The following COMMD10 variants were observed in gnomAD, a reference collection of about 807,000 sequenced individuals.
The protein encoded by COMMD10 is COMM domain-containing protein 10.
Under a neutral mutation model 28.9 loss-of-function variants are expected in COMMD10, and 33 were observed. The observed-to-expected ratio is 1.14, with a 90% CI of 0.87 to 1.53. The LOEUF (loss-of-function observed/expected upper bound fraction) is 1.53, where lower values mean the gene tolerates loss of function less well. Ranked by LOEUF, COMMD10 falls within the 40% of genes most tolerant of loss-of-function variation. COMMD10 has a pLI of 0.00. For synonymous variants in COMMD10, 110 were observed against 81.7 expected (o/e 1.35, Z -1.87); for missense variants, 310 against 233.4 (o/e 1.33, Z -2.14).
intron 4 of COMMD10, among the ~76,000 whole-genome samples, chr5:116,126,038 C>T (rs955071970): frequency 1.3e-5 from 2 of 152,206 alleles, no homozygotes; most frequent in African/African-American, 4.8e-5. Context: ...CCCATTGTCT[C>T]AGCCCAAAAT....
chr5:116,131,359 T>C (rs1432197758), intron 4 of COMMD10, among the ~76,000 whole-genome samples: 5 of 151,740 alleles, frequency 3.3e-5, no homozygotes, highest in African/African-American at 1.2e-4. Context: ...GCAGATAATA[T>C]TGTATGTGTG....
chr5:116,234,747 T>A (rs1259846891), intron 5 of COMMD10, among the ~76,000 whole-genome samples: 1 of 152,158 alleles, frequency 6.6e-6, no homozygotes, highest in African/African-American at 2.4e-5. Flanking sequence ...AACATCCAAT[T>A]GGATAATTTC....
intron 5 of COMMD10, among the ~76,000 whole-genome samples, chr5:116,286,891 C>A (rs964636360): frequency 6.6e-6 from 1 of 151,696 alleles, no homozygotes; most frequent in East Asian, 1.9e-4. Context: ...TAAGGTTATT[C>A]AAATCTTGTT....
At position 116,239,343 on chromosome 5, in the gene COMMD10, C is replaced by A. The variant is rs544505675; in HGVS notation, c.511-52174C>A. 6.6e-5 allele frequency among the ~76,000 whole-genome samples: 10 copies of A among 152,270 alleles called. No individual in the cohort carries two copies. The East Asian group carries it at 1.9e-3, about 29-fold the overall frequency. ...AGAAGCCTCATCATAGACTTACTCA[C>A]ACATTTGTGAGAGTTATTAGAATTG... On this transcript the variant is annotated intron_variant, in intron 5 of 6. Transcript: ENST00000274458.
At chr5:116,285,901 C>T (rs1033135617) in intron 5 of COMMD10, among the ~76,000 whole-genome samples, 1 of 151,780 alleles carries the variant, frequency 6.6e-6, no homozygotes, top group African/African-American at 2.4e-5. Context: ...GAAGTATCTC[C>T]TCTTGTTCAA....
chr5:116,128,658 G>C (rs900395264), intron 4 of COMMD10, among the ~76,000 whole-genome samples: 1 of 151,916 alleles, frequency 6.6e-6, no homozygotes, highest in Non-Finnish European at 1.5e-5. Flanking sequence ...TCTTTGTATA[G>C]TAACTGTATC....
At chr5:116,157,589 C>G (rs1752759727) in intron 5 of COMMD10, among the ~76,000 whole-genome samples, 1 of 152,144 alleles carries the variant, frequency 6.6e-6, no homozygotes, top group African/African-American at 2.4e-5. Flanking sequence ...TTATTTTCAT[C>G]ATATTCTGTT....
chr5:116,145,670 C>A lies in COMMD10; in HGVS notation c.510+11492C>A, dbSNP rs1433829870. ...TTGCAATCCTCACAATCCCCACAAT[C>A]CCCACGTGTCAAGGGAGAGACCAGG... On this transcript the variant is annotated intron_variant, in intron 5 of 6. Coordinates refer to ENST00000274458, the MANE Select transcript of COMMD10 (RefSeq NM_016144.4). Among the ~76,000 whole-genome samples, 8 of 151,972 alleles carry A rather than the reference C, an allele frequency of 5.3e-5. No individual in the cohort carries two copies. The East Asian group carries it at 1.6e-3, about 29-fold the overall frequency.
chr5:116,163,047 C>A (rs1473259320), intron 5 of COMMD10, among the ~76,000 whole-genome samples: 2 of 151,958 alleles, frequency 1.3e-5, no homozygotes, highest in Non-Finnish European at 2.9e-5. Flanking sequence ...CTTACCACTT[C>A]TTTAGAGGTT....
chr5:116,158,590 C>T (rs1284021880), intron 5 of COMMD10, among the ~76,000 whole-genome samples: 1 of 149,010 alleles, frequency 6.7e-6, no homozygotes, highest in Admixed American at 6.7e-5. Context: ...GATCCTCTGG[C>T]TTAAGCCTCT....
chr5:116,121,794 T>C (rs1196661526), intron 4 of COMMD10, among the ~76,000 whole-genome samples: 1 of 152,168 alleles, frequency 6.6e-6, no homozygotes, highest in Non-Finnish European at 1.5e-5. Flanking sequence ...GAGAAGTGTC[T>C]GTTCATATCC....
intron 4 of COMMD10, among the ~76,000 whole-genome samples, chr5:116,110,985 G>A (rs1019232830): frequency 6.6e-6 from 1 of 151,966 alleles, no homozygotes; most frequent in African/African-American, 2.4e-5. Flanking sequence ...GATTTGGATG[G>A]GAACATACAT....
chr5:116,168,305 C>T (rs1440592935), intron 5 of COMMD10, among the ~76,000 whole-genome samples: 2 of 152,054 alleles, frequency 1.3e-5, no homozygotes, highest in Non-Finnish European at 2.9e-5. Flanking sequence ...AATATATATG[C>T]ACGCAATACA....
intron 4 of COMMD10, among the ~76,000 whole-genome samples, chr5:116,119,706 G>T (rs892639819): frequency 2.6e-5 from 4 of 151,996 alleles, no homozygotes; most frequent in African/African-American, 9.7e-5. Flanking sequence ...TAAACTCCTA[G>T]GCTCAAGGGA....
chr5:116,154,816 C>G (rs578075330), intron 5 of COMMD10, among the ~76,000 whole-genome samples: 1 of 151,162 alleles, frequency 6.6e-6, no homozygotes, highest in South Asian at 2.1e-4. Context: ...ACAGTGGGAC[C>G]TCGTTTAGGG....
rs537390556 is a variant in COMMD10, at chr5:116,264,296, T to G, written c.511-27221T>G. On this transcript the variant is annotated intron_variant, in intron 5 of 6. Transcript: ENST00000274458. ...GTTAAACTGTAATTCAGGTCAAATT[T>G]CGAATATACGTATGAAGGCACAAAA... 4.9e-4 allele frequency among the ~76,000 whole-genome samples: 74 copies of G among 151,822 alleles called. 1 individual carries two copies. The highest frequency in any genetic ancestry group is 8.4e-4 in the Non-Finnish European group (57 of 68,002).
At chr5:116,141,257 G>A (rs1402751611) in intron 5 of COMMD10, among the ~76,000 whole-genome samples, 1 of 151,484 alleles carries the variant, frequency 6.6e-6, no homozygotes, top group East Asian at 1.9e-4. Flanking sequence ...TTATTTCTGG[G>A]CTCTCTATAG....
chr5:116,172,084 A>G (rs1753353765), intron 5 of COMMD10, among the ~76,000 whole-genome samples: 1 of 152,176 alleles, frequency 6.6e-6, no homozygotes, highest in African/African-American at 2.4e-5. Context: ...CTTACAGAAG[A>G]ATAACCAAAG....
At chr5:116,149,678 C>T (rs1752453722) in intron 5 of COMMD10, among the ~76,000 whole-genome samples, 1 of 150,508 alleles carries the variant, frequency 6.6e-6, no homozygotes, top group South Asian at 2.1e-4. Context: ...CTGTTCATGT[C>T]CTTTGCCCAC....
Sources: gnomAD v4.1 joint callset for allele counts (sites outside exome capture counted in the v4.1 genomes callset) on GRCh38, gnomAD v4.1.1 for gene constraint, MANE v1.5 for transcripts, NCBI Gene and HGNC (gene_info 2026-07-23, HGNC 2026-07-21) for gene names.